Variants in MTSS1 observed in about 807,000 individuals in gnomAD.
MTSS1 encodes the protein protein MTSS 1.
A neutral mutation model predicts 79.0 loss-of-function variants in MTSS1; 18 were observed. The observed-to-expected ratio is 0.23, with a 90% CI of 0.16 to 0.34. The LOEUF (loss-of-function observed/expected upper bound fraction) is 0.34. Among genes scored for constraint, MTSS1 ranks in the 10% least tolerant of loss-of-function variants. The pLI is 1.00. For synonymous variants in MTSS1, 341 were observed against 368.6 expected (o/e 0.93, Z 0.86); for missense variants, 815 against 986.2 (o/e 0.83, Z 2.33).
chr8:124,585,193 C>T (rs756716325), intron 5 of MTSS1, 32 bp from the exon 6 acceptor site: 31 of 1,537,710 alleles, frequency 2.0e-5, no homozygotes, highest in Non-Finnish European at 2.8e-5. Context: ...AACAATTTTA[C>T]CACTTTGCTT....
At chr8:124,585,922 TCA>T (rs1830789517) in intron 5 of MTSS1, among the ~76,000 whole-genome samples, 1 of 152,130 alleles carries the variant, frequency 6.6e-6, no homozygotes, top group Non-Finnish European at 1.5e-5. Flanking sequence ...AGAAGCTAGA[TCA>T]CACAGTGGGG....
chr8:124,558,412 G>A (rs958933052), intron 10 of MTSS1, among the ~76,000 whole-genome samples: 3 of 152,066 alleles, frequency 2.0e-5, no homozygotes, highest in African/African-American at 7.2e-5. Flanking sequence ...TGGGTGGCTC[G>A]GGAAGGGAGG....
At chr8:124,668,658 A>T (rs1321393632) in intron 3 of MTSS1, among the ~76,000 whole-genome samples, 1 of 152,212 alleles carries the variant, frequency 6.6e-6, no homozygotes, top group Admixed American at 6.5e-5. Flanking sequence ...ACGGGACCAG[A>T]AAAGAAAGAT....
At chr8:124,595,092 C>T (rs1349462298) in intron 3 of MTSS1, among the ~76,000 whole-genome samples, 1 of 152,166 alleles carries the variant, frequency 6.6e-6, no homozygotes, top group Non-Finnish European at 1.5e-5. Context: ...TGAGAGCAAA[C>T]CACCAGGCTG....
intron 1 of MTSS1, among the ~76,000 whole-genome samples, chr8:124,713,413 C>T (rs1831454114): frequency 6.6e-6 from 1 of 152,164 alleles, no homozygotes; most frequent in African/African-American, 2.4e-5. Flanking sequence ...CCCCTAAATT[C>T]AACTCATTCC....
chr8:124,597,031 A>G lies in MTSS1; in HGVS notation c.209-5796T>C, dbSNP rs1212822041. 6.6e-6 allele frequency among the ~76,000 whole-genome samples: 1 copy of G among 151,796 alleles called. No homozygotes were observed. The highest frequency in any genetic ancestry group is 1.9e-4 in the East Asian group (1 of 5,178). On this transcript the variant is annotated intron_variant, in intron 3 of 13. Transcript: ENST00000518547. The surrounding 1 kb of genome is among the most constrained non-coding windows in gnomAD (Gnocchi z 4.6). ...CCGGGCGCCAGGGATTAGGACATCAACCTATCTTTCTGGGGGTGCGCCGCA... is the reference window on the plus strand; with the variant it reads ...CCGGGCGCCAGGGATTAGGACATCAGCCTATCTTTCTGGGGGTGCGCCGCA...
intron 3 of MTSS1, among the ~76,000 whole-genome samples, chr8:124,604,138 G>A (rs960915954): frequency 1.3e-5 from 2 of 152,116 alleles, no homozygotes; most frequent in African/African-American, 4.8e-5. Flanking sequence ...GCTTGGACCC[G>A]GGAGGCGGAG....
intron 3 of MTSS1, among the ~76,000 whole-genome samples, chr8:124,657,406 G>A (rs550815261): frequency 6.7e-6 from 1 of 149,690 alleles, no homozygotes; most frequent in African/African-American, 2.5e-5. Context: ...TGAAAATGAA[G>A]CCACAAAACA....
At chr8:124,718,622 A>G (rs1832462469) in intron 1 of MTSS1, among the ~76,000 whole-genome samples, 1 of 152,218 alleles carries the variant, frequency 6.6e-6, no homozygotes, top group Admixed American at 6.5e-5. Flanking sequence ...GCTCGGCTGC[A>G]GGAGAGGAGT....
intron 3 of MTSS1, among the ~76,000 whole-genome samples, chr8:124,665,850 C>T (rs564562236): frequency 2.1e-4 from 29 of 139,832 alleles, no homozygotes; most frequent in Non-Finnish European, 3.0e-4. Context: ...CTGGGCAATA[C>T]GAGTGAAACT....
intron 7 of MTSS1, chr8:124,567,662 CAAGT>C (rs1164071011): frequency 2.4e-5 from 34 of 1,397,250 alleles, no homozygotes; most frequent in Middle Eastern, 3.7e-4. Flanking sequence ...TAGTAAAAGA[CAAGT>C]AAGACAGGAG....
chr8:124,581,746 G>A (rs938361326), intron 6 of MTSS1, among the ~76,000 whole-genome samples: 18 of 152,178 alleles, frequency 1.2e-4, no homozygotes, highest in South Asian at 2.1e-4. Flanking sequence ...GAGCCACCAC[G>A]CACAGCCCAG....
chr8:124,652,371 G>A (rs1352361937), intron 3 of MTSS1, among the ~76,000 whole-genome samples: 1 of 151,578 alleles, frequency 6.6e-6, no homozygotes, highest in Non-Finnish European at 1.5e-5. Flanking sequence ...TCACCATGTT[G>A]GCCAGGCTGG....
At chr8:124,634,285 TGTTG>T (rs1466180078) in intron 3 of MTSS1, among the ~76,000 whole-genome samples, 70 of 145,522 alleles carry the variant, frequency 4.8e-4, no homozygotes, top group African/African-American at 1.6e-3. Flanking sequence ...AGTTTTTTTT[TGTTG>T]TTGTTGTTGT....
intron 3 of MTSS1, among the ~76,000 whole-genome samples, chr8:124,621,466 C>T (rs978207314): frequency 1.3e-5 from 2 of 152,136 alleles, no homozygotes; most frequent in African/African-American, 4.8e-5. Context: ...GGGTGTCTGC[C>T]AGGGGGGCAT....
intron 3 of MTSS1, among the ~76,000 whole-genome samples, chr8:124,690,520 T>C (rs3901290): frequency 0.14 from 22,033 of 152,196 alleles, 1,694 homozygotes; most frequent in East Asian, 0.2. Flanking sequence ...CCCTTTCAAG[T>C]GTCATTCCAG....
intron 3 of MTSS1, among the ~76,000 whole-genome samples, chr8:124,687,544 GAGAGAGA>G (rs951788694): frequency 7.2e-5 from 11 of 152,204 alleles, no homozygotes; most frequent in African/African-American, 2.4e-4. Context: ...AGTGGGTTCT[GAGAGAGA>G]CAGGGGTCAG....
intron 3 of MTSS1, chr8:124,698,180 T>C (rs1437445805): frequency 1.3e-5 from 2 of 152,138 alleles, no homozygotes; most frequent in South Asian, 4.1e-4. Flanking sequence ...ATGAGAAGGG[T>C]TCTTGCTGCA....
At chr8:124,699,414 G>A (rs1310388981) in intron 3 of MTSS1, 112 bp downstream of exon 3, 5 of 888,158 alleles carry the variant, frequency 5.6e-6, no homozygotes, top group African/African-American at 1.8e-5. Flanking sequence ...GGGAAAATAC[G>A]AGTCAGCTCA....
Sources: allele counts gnomAD v4.1 joint callset (sites outside exome capture counted in the v4.1 genomes callset), GRCh38; gene constraint gnomAD v4.1.1; non-coding constraint Gnocchi (gnomAD v3.1); transcripts MANE v1.5; gene names NCBI Gene and HGNC (gene_info 2026-07-23, HGNC 2026-07-21).